RHPN1: variants seen among roughly 807,000 people sequenced by gnomAD.
RHPN1 encodes the protein rhophilin Rho GTPase binding protein 1.
RHPN1 carries 77 observed loss-of-function variants against 74.7 expected under a neutral mutation model. That is an observed-to-expected ratio of 1.03 (90% CI 0.86 to 1.25). The LOEUF is 1.25. RHPN1 is among the 50% of genes most tolerant of loss of function. RHPN1 has a pLI of 0.00. For synonymous variants in RHPN1, 444 were observed against 414.5 expected (o/e 1.07, Z -0.87); for missense variants, 987 against 932.2 (o/e 1.06, Z -0.77).
rs1818548343 is a variant in RHPN1 at position 143,379,498 on chromosome 8, A to G, written c.935A>G (p.Glu312Gly). 1 of 1,552,740 alleles carries G rather than the reference A, an allele frequency of 6.4e-7. No homozygotes were observed. The highest frequency in any genetic ancestry group is 2.4e-5 in the East Asian group (1 of 41,296). Residue 312 changes from glutamate to glycine, a missense_variant, in exon 8 of 15, where the codon GAG becomes GGG. Physicochemically the swap from Glu to Gly is moderately conservative, Grantham distance 98. Transcript: ENST00000289013. Reference protein sequence around the residue: ...DCLAQLRLAQEAAQVAAEYRL... With the variant: ...DCLAQLRLAQGAAQVAAEYRL... ...CTGGCCCAGCTGCGCCTGGCGCAGG[A>G]GGCCGCCCAGGTGAGCTCGGGCACC...
Position 143,371,855 on chromosome 8 carries a change from G to C in RHPN1, c.60+2808G>C, listed in dbSNP as rs534596746. Among the ~76,000 whole-genome samples the C allele has an allele frequency of 2.2e-4, 34 of 152,338 alleles. No individual in the cohort carries two copies. In the East Asian group the frequency reaches 4.2e-3, roughly 19 times the overall value. On this transcript the variant is annotated intron_variant, in intron 1 of 14. Coordinates refer to ENST00000289013, the MANE Select transcript of RHPN1 (RefSeq NM_052924.3). ...AGAGGGTGGGGAGGTTGTAGCAGGA[G>C]TAGGGGCCTGAACGCCTGTGTCTAT... is the stretch of plus-strand genomic sequence containing the variant.
intron 4 of RHPN1, among the ~76,000 whole-genome samples, chr8:143,377,925 C>T (rs117605463): frequency 4.6e-5 from 7 of 152,212 alleles, no homozygotes; most frequent in Non-Finnish European, 5.9e-5. Context: ...CACTGAGTGG[C>T]AGATGGCACC....
rs963007805 is a variant in RHPN1, at chr8:143,379,180, C to T, written c.751+102C>T. On this transcript the variant is annotated intron_variant, in intron 7 of 14. Coordinates refer to ENST00000289013, the MANE Select transcript of RHPN1 (RefSeq NM_052924.3). ...TGGGGAGTGGTTAGGACATCAGTCC[C>T]TCAGGTAGGGGGAGTGAGCACATCA... The T allele has an allele frequency of 3.6e-6, 5 of 1,394,374 alleles. No individual in the cohort carries two copies. The African/African-American group carries it at 5.8e-5, about 16-fold the overall frequency. 86.4% of individuals were successfully genotyped at this position (1,394,374 alleles called of 1,614,324 possible).
intron 11 of RHPN1, 93 bp downstream of exon 11, chr8:143,380,876 C>T: frequency 1.9e-6 from 2 of 1,038,914 alleles, no homozygotes; most frequent in Admixed American, 2.9e-5. Context: ...ATTAAAGATG[C>T]AGTCACCACG....
At position 143,381,809 on chromosome 8, in the gene RHPN1, G is replaced by C; in HGVS notation, c.1638G>C (p.Ala546=). The change falls in exon 14 of 15, where the codon GCG becomes GCC. Residue 546 remains alanine, a splice_region_variant and synonymous_variant. Transcript: ENST00000289013. The part of the protein sequence containing the change: ...AAVIPGSQAA[A]AGLKEGDYIV... Reference sequence around the variant, plus strand: ...TCACCGTCCAAGTCTCCCCACAGGCGGCTGGCCTGAAGGAGGGCGACTACA... The same window carrying C: ...TCACCGTCCAAGTCTCCCCACAGGCCGCTGGCCTGAAGGAGGGCGACTACA... 6.2e-7 allele frequency: 1 copy of C among 1,612,312 alleles called. No homozygotes were observed. Among genetic ancestry groups the C allele is most frequent in the Non-Finnish European group, 8.5e-7 (1 of 1,179,484 alleles).
At position 143,375,678 on chromosome 8, in the gene RHPN1, T is replaced by G. The variant is rs1339442485; in HGVS notation, c.176+10T>G. ...CTGAGAACCTCTACAGGTCAGTGCT[T>G]GAGACTGCCCGGCCCCGGGAGCAGG... On this transcript the variant is annotated intron_variant, in intron 2 of 14. Transcript: ENST00000289013. 1.3e-5 allele frequency: 21 copies of G among 1,591,868 alleles called. No individual in the cohort carries two copies. The highest frequency in any genetic ancestry group is 1.8e-5 in the Non-Finnish European group (21 of 1,169,236).
intron 1 of RHPN1, among the ~76,000 whole-genome samples, chr8:143,372,044 G>A (rs1345258663): frequency 6.6e-6 from 1 of 152,198 alleles, no homozygotes; most frequent in East Asian, 1.9e-4. Context: ...TAGGGAGGCC[G>A]AGGAATGGAC....
chr8:143,380,130 C>T lies in RHPN1; in HGVS notation c.1171C>T (p.Arg391Ter), dbSNP rs899512173. Residue 391 changes from arginine to a stop codon, truncating the protein, a stop_gained, in exon 10 of 15, where the codon CGA becomes TGA. Transcript: ENST00000289013. LOFTEE classifies it high-confidence loss of function. The stretch of plus-strand genomic sequence containing the variant: ...GCAGCCCCCCACCTCCTCTAAGCCC[C>T]GAGGCCCTGTGCTGCCGCAGGAGCT... ...FLQPPTSSKP[R>*]GPVLPQELEE... 13 of 1,550,668 alleles carry T rather than the reference C, an allele frequency of 8.4e-6. No homozygotes were observed. In the African/African-American group the frequency reaches 1.1e-4, roughly 13 times the overall value.
chr8:143,380,023 G>T (rs1419275529), intron 9 of RHPN1, 38 bp downstream of exon 9: 2 of 1,547,534 alleles, frequency 1.3e-6, no homozygotes, highest in Non-Finnish European at 1.7e-6. Context: ...TACTGCCAAG[G>T]CCCCCCCGCG....
chr8:143,382,103 G>A (rs1054599869), intron 14 of RHPN1, 135 bp downstream of exon 14: 4 of 901,844 alleles, frequency 4.4e-6, no homozygotes, highest in East Asian at 5.3e-5. Context: ...GCCGCCTCCT[G>A]GGCAGGGGCC....
At chr8:143,381,474 G>C in intron 12 of RHPN1, 98 bp from the exon 13 acceptor site, 1 of 1,481,010 alleles carries the variant, frequency 6.8e-7, no homozygotes. Flanking sequence ...GGAACCCCAC[G>C]GTGTCCCTCG....
chr8:143,369,438 A>T (rs1305762058), intron 1 of RHPN1, among the ~76,000 whole-genome samples: 1 of 152,196 alleles, frequency 6.6e-6, no homozygotes, highest in Admixed American at 6.5e-5. Flanking sequence ...GCATCCGCTC[A>T]GGAACTGCAT....
chr8:143,380,275 C>T (rs917917071), intron 10 of RHPN1, 100 bp downstream of exon 10: 12 of 864,348 alleles, frequency 1.4e-5, no homozygotes, highest in African/African-American at 3.4e-5. Context: ...CTGCTGTCCC[C>T]GTGCTGACGA....
Position 143,382,546 on chromosome 8 carries a change from CTG to C in RHPN1, c.1909_1910del (p.Trp637GlufsTer111). On this transcript the variant is annotated frameshift_variant, in exon 15 of 15. Coordinates refer to ENST00000289013, the MANE Select transcript of RHPN1 (RefSeq NM_052924.3). LOFTEE classifies it low-confidence loss of function (END_TRUNC). ...GGGCCAGTCCCCGGCCCCTCCTCAA[CTG>C]GAGCCGAAAGGCCCAGCAGGGCAAG... is the stretch of plus-strand genomic sequence containing the variant. ...TWASPRPLLNWSRKAQQGKTG... is the reference protein window; with the variant it reads ...TWASPRPLLNXSRKAQQGKTG... 6.2e-7 allele frequency: 1 copy of C among 1,611,616 alleles called. No individual in the cohort carries two copies. Among genetic ancestry groups the C allele is most frequent in the Non-Finnish European group, 8.5e-7 (1 of 1,179,590 alleles).
chr8:143,377,164 G>A (rs1818335551), intron 3 of RHPN1, among the ~76,000 whole-genome samples: 1 of 152,152 alleles, frequency 6.6e-6, no homozygotes, highest in Non-Finnish European at 1.5e-5. Context: ...GCGCGCGCAT[G>A]TGTGTGTCTC....
intron 3 of RHPN1, among the ~76,000 whole-genome samples, chr8:143,376,974 G>A (rs541448000): frequency 2.0e-4 from 31 of 151,500 alleles, no homozygotes; most frequent in African/African-American, 6.1e-4. Flanking sequence ...ACGTGTCTGC[G>A]TGCGTGTGCA....
intron 3 of RHPN1, 106 bp downstream of exon 3, chr8:143,376,759 A>C: frequency 7.5e-7 from 1 of 1,335,676 alleles, no homozygotes; most frequent in Admixed American, 2.1e-5. Context: ...ATATGTGTGC[A>C]TTGTCTGTGT....
intron 1 of RHPN1, among the ~76,000 whole-genome samples, chr8:143,372,159 C>T (rs943456059): frequency 3.9e-4 from 60 of 152,282 alleles, no homozygotes; most frequent in African/African-American, 1.3e-3. Flanking sequence ...TGATGCCCGT[C>T]GCACAGCCAG....
In RHPN1 at chr8:143,378,826, G is replaced by A. The variant is rs1201448574; in HGVS notation, c.584+6G>A. On this transcript the variant is annotated splice_donor_region_variant and intron_variant, in intron 6 of 14. Coordinates refer to ENST00000289013, the MANE Select transcript of RHPN1 (RefSeq NM_052924.3). The stretch of plus-strand genomic sequence containing the variant: ...CTCGGGCTCTTCTTCCACTGGTAGG[G>A]GCTCTGCGGGCGGAGGCACCCTGGG... 5.1e-6 allele frequency: 8 copies of A among 1,563,762 alleles called. No homozygotes were observed. Among genetic ancestry groups the A allele is most frequent in the Non-Finnish European group, 6.1e-6 (7 of 1,154,578 alleles).
Sources: gnomAD v4.1 joint callset for allele counts (sites outside exome capture counted in the v4.1 genomes callset) on GRCh38, gnomAD v4.1.1 for gene constraint, MANE v1.5 for transcripts, NCBI Gene and HGNC (gene_info 2026-07-23, HGNC 2026-07-21) for gene names.